EI24: variants seen among roughly 807,000 people sequenced by gnomAD.
EI24 encodes EI24 autophagy associated transmembrane protein.
In EI24, 21 loss-of-function variants were observed where a neutral mutation model predicts 48.6. That is an observed-to-expected ratio of 0.43 (90% CI 0.31 to 0.62). EI24 has a LOEUF of 0.62. Among genes scored for constraint, EI24 ranks in the 20% least tolerant of loss-of-function variants. EI24 has a pLI of 0.10. For synonymous variants in EI24, 114 were observed against 145.5 expected, an observed-to-expected ratio of 0.78 and a Z score of 1.56; for missense variants, 280 against 410.5, an observed-to-expected ratio of 0.68 and a Z score of 2.75.
chr11:125,581,867 C>T (rs1377468720), intron 9 of EI24, among the ~76,000 whole-genome samples: 3 of 151,910 alleles, frequency 2.0e-5, no homozygotes, highest in Non-Finnish European at 2.9e-5. Flanking sequence ...GTTAAACATG[C>T]CCAGTGCTTA....
intron 6 of EI24, 29 bp downstream of exon 6, chr11:125,578,286 T>TC: frequency 6.2e-7 from 1 of 1,613,082 alleles, no homozygotes; most frequent in Non-Finnish European, 8.5e-7. Context: ...GGAGTCTGGG[T>TC]CCCGCAGCAT....
chr11:125,572,704 C>G (rs1938577971), intron 2 of EI24, 135 bp downstream of exon 2: 1 of 768,462 alleles, frequency 1.3e-6, no homozygotes, highest in Admixed American at 2.6e-5. Flanking sequence ...GGTTGTTATT[C>G]TAGACCACAC....
At chr11:125,583,399 T>G (rs966814506) in intron 10 of EI24, 122 bp from the exon 11 acceptor site, 2 of 828,000 alleles carry the variant, frequency 2.4e-6, no homozygotes, top group African/African-American at 3.5e-5. Flanking sequence ...TGTATTTCCT[T>G]GATCAAGTTT....
At chr11:125,577,458 T>C (rs1412566609) in intron 4 of EI24, 46 bp from the exon 5 acceptor site, 1 of 1,561,362 alleles carries the variant, frequency 6.4e-7, no homozygotes, top group East Asian at 2.2e-5. Flanking sequence ...AGCTCCTGTT[T>C]TAAAGACTGG....
intron 10 of EI24, among the ~76,000 whole-genome samples, chr11:125,582,982 C>T (rs1939074599): frequency 6.6e-6 from 1 of 152,234 alleles, no homozygotes; most frequent in Non-Finnish European, 1.5e-5. Context: ...ACCCCGAAGT[C>T]AGCCATAGAA....
chr11:125,581,537 CTTTTTTTTTT>C (rs33956827), intron 9 of EI24, among the ~76,000 whole-genome samples: 2 of 50,752 alleles, frequency 3.9e-5, no homozygotes, highest in Non-Finnish European at 6.8e-5. Context: ...AGCAATTATT[CTTTTTTTTTT>C]TTTTTTTTTT....
chr11:125,579,879 G>T (rs1043251082), intron 7 of EI24, among the ~76,000 whole-genome samples: 2 of 151,998 alleles, frequency 1.3e-5, no homozygotes, highest in Middle Eastern at 3.2e-3. Flanking sequence ...GCCCAGTCTG[G>T]TCTTTAACTC....
rs142379012 is a variant in EI24 at position 125,576,627 on chromosome 11, T to G, written c.249+312T>G. ...GACATTTTAAAATGCTAACAGCAAC[T>G]ATGGGGACTCGGGAAGGGCAGATAC... On this transcript the variant is annotated intron_variant, in intron 4 of 10. Transcript: ENST00000278903. Among the ~76,000 whole-genome samples the G allele has an allele frequency of 3.2e-3, 485 of 152,302 alleles. 1 individual carries two copies. The highest frequency in any genetic ancestry group is 0.011 in the African/African-American group (460 of 41,562).
intron 10 of EI24, among the ~76,000 whole-genome samples, chr11:125,583,124 G>A (rs1939083743): frequency 1.3e-5 from 2 of 151,378 alleles, no homozygotes; most frequent in Non-Finnish European, 1.5e-5. Flanking sequence ...TTTTTGAGAC[G>A]GAGTCTCGCT....
chr11:125,571,339 T>G (rs1456358450), intron 1 of EI24, among the ~76,000 whole-genome samples: 1 of 152,206 alleles, frequency 6.6e-6, no homozygotes, highest in Admixed American at 6.5e-5. Context: ...GGTTTTCTAT[T>G]CATCTTAGAA....
At position 125,582,470 on chromosome 11, in the gene EI24, G is replaced by A. The variant is rs767068810; in HGVS notation, c.860+50G>A. 4.4e-6 allele frequency: 6 copies of A among 1,352,508 alleles called. No individual in the cohort carries two copies. The East Asian group carries it at 9.7e-5, about 22-fold the overall frequency. The allele number at this position is 1,352,508 out of a possible 1,614,324, so 83.8% of individuals were successfully genotyped here. A position where few individuals can be genotyped will look rare whatever the true frequency, so the allele number is the denominator to read the frequency against. On this transcript the variant is annotated intron_variant, in intron 10 of 10. Transcript: ENST00000278903. Reference sequence around the variant, plus strand: ...TTTTGCTGTGTAAAGGGTTGGGGCTGTAACACCAGTTATGTCAGTGAGGCT... The same window carrying A: ...TTTTGCTGTGTAAAGGGTTGGGGCTATAACACCAGTTATGTCAGTGAGGCT...
At chr11:125,582,779 T>C (rs1939066644) in intron 10 of EI24, among the ~76,000 whole-genome samples, 1 of 152,216 alleles carries the variant, frequency 6.6e-6, no homozygotes. Flanking sequence ...TCAATTCATC[T>C]TTGATCAATT....
chr11:125,571,878 A>AAAAAT (rs547863544), intron 1 of EI24, among the ~76,000 whole-genome samples: 391 of 152,332 alleles, frequency 2.6e-3, no homozygotes, highest in Non-Finnish European at 3.9e-3. Flanking sequence ...CTCTGTCTCA[A>AAAAAT]AAAATAAAAT....
chr11:125,579,096 C>T, intron 7 of EI24, 28 bp downstream of exon 7: 1 of 1,542,960 alleles, frequency 6.5e-7, no homozygotes, highest in Non-Finnish European at 8.7e-7. Flanking sequence ...GGCATATGGG[C>T]AGCTTTATTA....
chr11:125,581,574 TCTCA>T (rs1457819367), intron 9 of EI24, among the ~76,000 whole-genome samples: 9 of 115,036 alleles, frequency 7.8e-5, no homozygotes, highest in Non-Finnish European at 1.2e-4. Flanking sequence ...TGAGACAGAG[TCTCA>T]CTCTGTCGCC....
chr11:125,573,622 A>C (rs1319472857), intron 2 of EI24: 1 of 187,358 alleles, frequency 5.3e-6, no homozygotes, highest in African/African-American at 2.4e-5. Flanking sequence ...TGAGTAAAAG[A>C]GGGAGGATTG....
intron 6 of EI24, 149 bp from the exon 7 acceptor site, chr11:125,578,800 G>C: frequency 1.1e-6 from 1 of 941,780 alleles, no homozygotes; most frequent in South Asian, 1.7e-5. Context: ...TGAGTAGCTG[G>C]GACTATAGGC....
At chr11:125,573,710 C>CT (rs1490995049) in intron 2 of EI24, 1 of 107,496 alleles carries the variant, frequency 9.3e-6, no homozygotes, top group Non-Finnish European at 1.7e-5. Flanking sequence ...TTGACAGAGT[C>CT]TCACTGTGTC....
chr11:125,569,740 C>G (rs577972562), intron 1 of EI24, 167 bp downstream of exon 1: 1 of 312,468 alleles, frequency 3.2e-6, no homozygotes, highest in Admixed American at 5.0e-5. Context: ...GGGCACATCC[C>G]CGGGCGAGGC....
Sources: gnomAD v4.1 joint callset for allele counts (sites outside exome capture counted in the v4.1 genomes callset) on GRCh38, gnomAD v4.1.1 for gene constraint, MANE v1.5 for transcripts, NCBI Gene and HGNC (gene_info 2026-07-23, HGNC 2026-07-21) for gene names.